Variants in FREM2 observed in about 807,000 individuals in gnomAD.
FREM2 encodes FRAS1-related extracellular matrix protein 2.
FREM2 carries 119 observed loss-of-function variants against 219.9 expected under a neutral mutation model. That is an observed-to-expected ratio of 0.54 (90% CI 0.47 to 0.63). The LOEUF (loss-of-function observed/expected upper bound fraction) is 0.63, where lower values mean the gene tolerates loss of function less well. FREM2 is among the 30% of genes least tolerant of loss of function. The probability of loss-of-function intolerance (pLI) is 0.00; values close to 1 mark genes in which losing one functional copy is unlikely to be tolerated. For missense variants in FREM2, 4,030 were observed against 3,993.6 expected (o/e 1.01, Z -0.25); for synonymous variants, 1,562 against 1,522.8 (o/e 1.03, Z -0.60).
At chr13:38,750,717 G>A (rs547913724) in intron 2 of FREM2, among the ~76,000 whole-genome samples, 6 of 150,358 alleles carry the variant, frequency 4.0e-5, no homozygotes, top group African/African-American at 1.5e-4. Context: ...TTTTTGAGAC[G>A]AAGTCTCACT....
At chr13:38,737,839 C>G (rs1293650406) in intron 2 of FREM2, among the ~76,000 whole-genome samples, 2 of 152,082 alleles carry the variant, frequency 1.3e-5, no homozygotes, top group African/African-American at 4.8e-5. Context: ...ATCCTCAAGT[C>G]AATATGGAGT....
intron 16 of FREM2, among the ~76,000 whole-genome samples, chr13:38,868,196 C>A (rs1326621108): frequency 6.6e-6 from 1 of 152,186 alleles, no homozygotes; most frequent in African/African-American, 2.4e-5. Flanking sequence ...AGAAATTCAA[C>A]CCTCTGAGAT....
At position 38,880,369 on chromosome 13, in the gene FREM2, G is replaced by A. The variant is rs1386002442; in HGVS notation, c.9092G>A (p.Ser3031Asn). ...GCCAATCGAGGTATTGGCAAAAGAA[G>A]TGTGGAGTACCATTCTCTGGTGAGT... ...DNANRGIGKR[S>N]VEYHSLVSQG... The change falls in exon 24 of 24, where the codon AGT becomes AAT. Residue 3031 changes from serine to asparagine, a missense_variant. Physicochemically the swap from Ser to Asn is conservative, Grantham distance 46. Around this residue, in one of 2 missense-constraint regions of FREM2, gnomAD observed 928 missense variants for 1,042.9 expected, o/e 0.89. Coordinates refer to ENST00000280481, the MANE Select transcript of FREM2 (RefSeq NM_207361.6). 1 of 1,614,148 alleles carries A rather than the reference G, an allele frequency of 6.2e-7. No individual in the cohort carries two copies. The highest frequency in any genetic ancestry group is 2.2e-5 in the East Asian group (1 of 44,876).
chr13:38,720,796 A>T (rs1477001688), intron 2 of FREM2, among the ~76,000 whole-genome samples: 1 of 152,248 alleles, frequency 6.6e-6, no homozygotes, highest in Non-Finnish European at 1.5e-5. Flanking sequence ...GAATCTAGAT[A>T]GGATGAGTCC....
intron 2 of FREM2, among the ~76,000 whole-genome samples, chr13:38,712,514 G>C (rs1870815858): frequency 6.6e-6 from 1 of 152,078 alleles, no homozygotes; most frequent in African/African-American, 2.4e-5. Flanking sequence ...TTATTAATTA[G>C]AATATAGAAA....
chr13:38,791,136 A>T (rs1874543421), intron 6 of FREM2, among the ~76,000 whole-genome samples: 1 of 152,208 alleles, frequency 6.6e-6, no homozygotes, highest in Non-Finnish European at 1.5e-5. Context: ...CAACAAATTT[A>T]ATTTGGAACC....
At position 38,878,882 on chromosome 13, in the gene FREM2, A is replaced by C; in HGVS notation, c.8911A>C (p.Asn2971His). The change falls in exon 23 of 24, where the codon AAT becomes CAT. Residue 2971 changes from asparagine to histidine, a missense_variant. Coordinates refer to ENST00000280481, the MANE Select transcript of FREM2 (RefSeq NM_207361.6). ...QATSFGNVLF[N>H]AKLAVDDPEA... ...GACCAGTTTTGGAAATGTCCTATTTAATGCCAAACTAGCAGTGGATGACCC... is the reference window on the plus strand; with the variant it reads ...GACCAGTTTTGGAAATGTCCTATTTCATGCCAAACTAGCAGTGGATGACCC... 1 of 1,614,148 alleles carries C rather than the reference A, an allele frequency of 6.2e-7. No individual in the cohort carries two copies. The highest frequency in any genetic ancestry group is 8.5e-7 in the Non-Finnish European group (1 of 1,179,972).
intron 2 of FREM2, among the ~76,000 whole-genome samples, chr13:38,712,033 G>A (rs538700974): frequency 5.0e-4 from 74 of 147,306 alleles, no homozygotes; most frequent in Middle Eastern, 7.2e-3. Flanking sequence ...TGATTCTCCT[G>A]CCTCAGCCTC....
intron 15 of FREM2, among the ~76,000 whole-genome samples, chr13:38,862,249 A>G (rs1877788003): frequency 6.6e-6 from 1 of 152,224 alleles, no homozygotes; most frequent in Non-Finnish European, 1.5e-5. Flanking sequence ...GCAACGTAGA[A>G]TCTACCTCCC....
In FREM2 at chr13:38,884,658, C is replaced by T. The variant is rs1409244124; in HGVS notation, c.*3871C>T. The stretch of plus-strand genomic sequence containing the variant: ...ATAAAAGGATGAAAACAAGTGTCTT[C>T]ACTAAGCGTATGGCCAATAAATGGG... On this transcript the variant is annotated 3_prime_UTR_variant, in exon 24 of 24. Transcript: ENST00000280481. 6.6e-6 allele frequency: 1 copy of T among 152,146 alleles called. No homozygotes were observed. Among genetic ancestry groups the T allele is most frequent in the Non-Finnish European group, 1.5e-5 (1 of 68,032 alleles). The allele number at this position is 152,146 out of a possible 1,614,324, so 9.4% of individuals were successfully genotyped here.
chr13:38,864,669 A>G (rs1360603256), intron 16 of FREM2, 63 bp downstream of exon 16: 1 of 1,427,344 alleles, frequency 7.0e-7, no homozygotes, highest in Admixed American at 1.7e-5. Context: ...TTTGTCACAT[A>G]GATTTGTACT....
At chr13:38,804,010 C>T (rs576635649) in intron 6 of FREM2, among the ~76,000 whole-genome samples, 20 of 152,004 alleles carry the variant, frequency 1.3e-4, no homozygotes, top group Admixed American at 9.2e-4. Flanking sequence ...ATTTGCATTA[C>T]GCTTGCAAGC....
chr13:38,852,323 T>A (rs964886412), intron 11 of FREM2, among the ~76,000 whole-genome samples: 11 of 152,360 alleles, frequency 7.2e-5, no homozygotes, highest in African/African-American at 2.6e-4. Flanking sequence ...ACAATGGGAT[T>A]TATTTCCAAG....
chr13:38,732,826 T>G (rs189647212), intron 2 of FREM2, among the ~76,000 whole-genome samples: 1 of 152,320 alleles, frequency 6.6e-6, no homozygotes, highest in Non-Finnish European at 1.5e-5. Context: ...GAACACTATT[T>G]TATATGGTTC....
Position 38,769,735 on chromosome 13 carries a change from A to G in FREM2, c.5568A>G (p.Val1856=), listed in dbSNP as rs151260578. The G allele has an allele frequency of 1.2e-6, 2 of 1,614,060 alleles. No homozygotes were observed. The highest frequency in any genetic ancestry group is 2.2e-5 in the East Asian group (1 of 44,874). Residue 1856 remains valine, a synonymous_variant, in exon 4 of 24, where the codon GTA becomes GTG. Transcript: ENST00000280481. ...AGCAGTCTGAAACCTTTCAGGTGGTACTCTCAGAGCCCGTGCTGGCTGCCT... is the reference window on the plus strand; with the variant it reads ...AGCAGTCTGAAACCTTTCAGGTGGTGCTCTCAGAGCCCGTGCTGGCTGCCT... The part of the protein sequence containing the change: ...EHEQSETFQV[V]LSEPVLAALE...
At chr13:38,857,707 G>GT (rs1277278314) in intron 12 of FREM2, among the ~76,000 whole-genome samples, 168 bp from the exon 13 acceptor site, 8 of 152,336 alleles carry the variant, frequency 5.3e-5, no homozygotes, top group African/African-American at 1.9e-4. Context: ...CCAAGGTCAT[G>GT]TGCTGCAGGC....
chr13:38,835,429 G>A (rs1454548848), intron 6 of FREM2, among the ~76,000 whole-genome samples: 6 of 152,042 alleles, frequency 3.9e-5, no homozygotes, highest in Non-Finnish European at 5.9e-5. Context: ...TTGGCTATAC[G>A]GGCTTTTTTG....
At chr13:38,810,410 A>G (rs1875430844) in intron 6 of FREM2, among the ~76,000 whole-genome samples, 1 of 152,056 alleles carries the variant, frequency 6.6e-6, no homozygotes, top group Admixed American at 6.6e-5. Context: ...TCTCAGAGAA[A>G]GGGCTTTCAG....
At chr13:38,801,977 A>G (rs1875029640) in intron 6 of FREM2, among the ~76,000 whole-genome samples, 2 of 152,246 alleles carry the variant, frequency 1.3e-5, no homozygotes, top group East Asian at 3.9e-4. Flanking sequence ...ATCTGTGGTG[A>G]TATCGGCAGG....
Sources: allele counts gnomAD v4.1 joint callset (sites outside exome capture counted in the v4.1 genomes callset), GRCh38; gene constraint gnomAD v4.1.1; regional missense constraint gnomAD v4.1.1; transcripts MANE v1.5; gene names NCBI Gene and HGNC (gene_info 2026-07-23, HGNC 2026-07-21).